THSD4: variants seen among roughly 807,000 people sequenced by gnomAD.
The protein encoded by THSD4 is thrombospondin type 1 domain containing 4.
Under a neutral mutation model 119.0 loss-of-function variants are expected in THSD4, and 69 were observed. That is an observed-to-expected ratio of 0.58 (90% confidence interval 0.48 to 0.71). The LOEUF (loss-of-function observed/expected upper bound fraction) is 0.71. THSD4 is among the 30% of genes least tolerant of loss of function. THSD4 has a pLI of 0.00. For synonymous variants in THSD4, 524 were observed against 540.4 expected (o/e 0.97, Z 0.42); for missense variants, 1,393 against 1,391.1 (o/e 1.00, Z -0.02).
intron 7 of THSD4, among the ~76,000 whole-genome samples, chr15:71,542,967 AAAAC>A (rs1379011738): frequency 6.6e-6 from 1 of 152,078 alleles, no homozygotes; most frequent in African/African-American, 2.4e-5. Flanking sequence ...AAGGTCATGA[AAAAC>A]AAAGAAAGGC....
At chr15:71,226,527 A>G (rs909546787) in intron 4 of THSD4, among the ~76,000 whole-genome samples, 3 of 152,126 alleles carry the variant, frequency 2.0e-5, no homozygotes, top group African/African-American at 7.2e-5. Flanking sequence ...GGTAGGAATC[A>G]TTTGTTTTTT....
intron 6 of THSD4, among the ~76,000 whole-genome samples, chr15:71,384,392 A>G (rs1463363777): frequency 6.6e-6 from 1 of 152,120 alleles, no homozygotes; most frequent in African/African-American, 2.4e-5. Flanking sequence ...CAAAAAAAAA[A>G]CAAAAACATG....
chr15:71,355,067 A>C (rs578226346), intron 6 of THSD4, among the ~76,000 whole-genome samples: 1 of 152,348 alleles, frequency 6.6e-6, no homozygotes, highest in East Asian at 1.9e-4. Flanking sequence ...AAACAAAAAT[A>C]ACATTTGCCT....
chr15:71,500,446 T>G (rs1459804733), intron 7 of THSD4, among the ~76,000 whole-genome samples: 1 of 152,214 alleles, frequency 6.6e-6, no homozygotes, highest in Non-Finnish European at 1.5e-5. Flanking sequence ...CTTTGTTGAT[T>G]GTTGCCGTGG....
rs542508485 is a variant in THSD4 at position 71,509,471 on chromosome 15, A to C, written c.1152+97648A>C. On this transcript the variant is annotated intron_variant, in intron 7 of 17. Coordinates refer to ENST00000261862, the MANE Select transcript of THSD4 (RefSeq NM_024817.3). ...TGATAGATTAACTCATTAGCTTGTA[A>C]GTAAGTGGAGTAAAATCAACCCCCA... Among the ~76,000 whole-genome samples, 4 of 152,354 alleles carry C rather than the reference A, an allele frequency of 2.6e-5. No homozygotes were observed. In the East Asian group the frequency reaches 7.7e-4, roughly 29 times the overall value.
chr15:71,554,234 T>C (rs905166015), intron 7 of THSD4, among the ~76,000 whole-genome samples: 3 of 150,630 alleles, frequency 2.0e-5, no homozygotes, highest in Non-Finnish European at 3.0e-5. Context: ...GGACTACAGG[T>C]GCCCACCGCC....
At chr15:71,281,322 G>A (rs2044649511) in intron 6 of THSD4, among the ~76,000 whole-genome samples, 1 of 152,266 alleles carries the variant, frequency 6.6e-6, no homozygotes, top group Non-Finnish European at 1.5e-5. Flanking sequence ...TCAGGTGAGA[G>A]CAACATTTAG....
chr15:71,243,931 C>T (rs549733411), intron 5 of THSD4, among the ~76,000 whole-genome samples: 7 of 151,852 alleles, frequency 4.6e-5, no homozygotes, highest in South Asian at 4.2e-4. Context: ...ACTACAGGTG[C>T]GCACCACTAT....
At chr15:71,380,433 A>T (rs2046213614) in intron 6 of THSD4, among the ~76,000 whole-genome samples, 1 of 152,124 alleles carries the variant, frequency 6.6e-6, no homozygotes, top group Non-Finnish European at 1.5e-5. Context: ...AGTCAAAATG[A>T]AACCGTTTGA....
chr15:71,377,852 C>T (rs369492116), intron 6 of THSD4, among the ~76,000 whole-genome samples: 4 of 116,454 alleles, frequency 3.4e-5, no homozygotes, highest in East Asian at 2.3e-4. Flanking sequence ...CTTCTCTATT[C>T]CCGGACATAT....
chr15:71,442,579 A>AAAAATATATAT (rs1195413080), intron 7 of THSD4, among the ~76,000 whole-genome samples: 7 of 39,860 alleles, frequency 1.8e-4, no homozygotes, highest in South Asian at 1.3e-3. Flanking sequence ...AAAAAAAAAA[A>AAAAATATATAT]ATATATATAT....
intron 6 of THSD4, chr15:71,343,026 G>A (rs1037265390): frequency 6.6e-6 from 1 of 152,198 alleles, no homozygotes; most frequent in Non-Finnish European, 1.5e-5. Context: ...GTGCTTACTG[G>A]GCATGTATTA....
chr15:71,313,906 T>A (rs1167152602), intron 6 of THSD4, among the ~76,000 whole-genome samples: 1 of 152,188 alleles, frequency 6.6e-6, no homozygotes, highest in African/African-American at 2.4e-5. Context: ...AAACACAGCA[T>A]GGGCTCCTAC....
chr15:71,195,533 G>A (rs1465788716), intron 3 of THSD4, among the ~76,000 whole-genome samples: 1 of 152,184 alleles, frequency 6.6e-6, no homozygotes, highest in Non-Finnish European at 1.5e-5. Flanking sequence ...TAGATTGGAG[G>A]TAGGGGGTGG....
intron 1 of THSD4, among the ~76,000 whole-genome samples, chr15:71,135,803 C>T (rs1332183711): frequency 1.3e-5 from 2 of 152,044 alleles, no homozygotes; most frequent in African/African-American, 4.8e-5. Flanking sequence ...CATTATGGGG[C>T]AGCCTCCTCC....
At chr15:71,679,147 A>G (rs886247467) in intron 8 of THSD4, among the ~76,000 whole-genome samples, 3 of 152,222 alleles carry the variant, frequency 2.0e-5, no homozygotes, top group African/African-American at 7.2e-5. Flanking sequence ...CCCTTCCCTG[A>G]AAGGCATTTA....
chr15:71,603,476 C>G (rs1244569909), intron 7 of THSD4, among the ~76,000 whole-genome samples: 1 of 152,214 alleles, frequency 6.6e-6, no homozygotes. Flanking sequence ...CCTCCTGCAT[C>G]TATCAGAACC....
chr15:71,222,675 G>A (rs973097984), intron 4 of THSD4, among the ~76,000 whole-genome samples: 21 of 152,300 alleles, frequency 1.4e-4, no homozygotes, highest in South Asian at 8.3e-4. Context: ...TCCTATAGAC[G>A]TTTTTCTGTG....
intron 4 of THSD4, among the ~76,000 whole-genome samples, chr15:71,217,835 A>G (rs1170757966): frequency 7.5e-6 from 1 of 134,106 alleles, no homozygotes; most frequent in East Asian, 2.2e-4. Flanking sequence ...TGCCCAGGCT[A>G]GAGTGCAGTG....
Sources: allele counts gnomAD v4.1 joint callset (sites outside exome capture counted in the v4.1 genomes callset), GRCh38; gene constraint gnomAD v4.1.1; transcripts MANE v1.5; gene names NCBI Gene and HGNC (gene_info 2026-07-23, HGNC 2026-07-21).